MAG: variants seen among roughly 807,000 people sequenced by gnomAD.
MAG encodes the protein myelin associated glycoprotein.
MAG carries 30 observed loss-of-function variants against 60.7 expected under a neutral mutation model. The ratio of observed to expected loss-of-function variants is 0.49; its 90% CI spans 0.37 to 0.67. The LOEUF is 0.67. Ranked by LOEUF, MAG falls within the 30% of genes least tolerant of loss-of-function variation. MAG has a pLI of 0.00. For missense variants in MAG, 795 were observed against 851.7 expected (o/e 0.93, Z 0.83); for synonymous variants, 384 against 376.8 (o/e 1.02, Z -0.22).
Position 35,299,739 on chromosome 19 carries a change from C to T in MAG, c.601C>T (p.Leu201=). The T allele has an allele frequency of 1.9e-6, 3 of 1,562,214 alleles. No individual in the cohort carries two copies. The highest frequency in any genetic ancestry group is 1.7e-6 in the Non-Finnish European group (2 of 1,155,682). Residue 201 remains leucine, a synonymous_variant, in exon 5 of 11, where the codon CTG becomes TTG. Coordinates refer to ENST00000392213, the MANE Select transcript of MAG (RefSeq NM_002361.4). Reference sequence around the variant, plus strand: ...CGAGGGCACCTGGGTGCAGGTGTCACTGCTGCACTTCGTGCCCACGAGGGA... The same window carrying T: ...CGAGGGCACCTGGGTGCAGGTGTCATTGCTGCACTTCGTGCCCACGAGGGA... The part of the protein sequence containing the change: ...EDEGTWVQVS[L]LHFVPTREAN...
Position 35,313,396 on chromosome 19 carries a change from A to G in MAG, c.1823A>G (p.Lys608Arg). ...SHSDLGKRPT[K>R]DSYTLTEELA... ...TCGGACCTGGGGAAACGGCCCACCA[A>G]GGACAGCTACACGCTGACGGAGGAG... The change falls in exon 11 of 11, where the codon AAG becomes AGG. Residue 608 changes from lysine (K) to arginine (R), a missense_variant. Physicochemically the swap from Lys to Arg is conservative, Grantham distance 26. Coordinates refer to ENST00000392213, the MANE Select transcript of MAG (RefSeq NM_002361.4). 1 of 1,614,058 alleles carries G rather than the reference A, an allele frequency of 6.2e-7. No individual in the cohort carries two copies. The highest frequency in any genetic ancestry group is 8.5e-7 in the Non-Finnish European group (1 of 1,179,954).
At chr19:35,300,501 G>A in intron 6 of MAG, 97 bp downstream of exon 6, 2 of 1,442,792 alleles carry the variant, frequency 1.4e-6, no homozygotes, top group Admixed American at 2.6e-5. Flanking sequence ...GGGTCCCGAG[G>A]GGACCGGCCA....
rs905944825 is a variant in MAG, at chr19:35,300,328, C to T, written c.894C>T (p.Ala298=). ...TGGAGCTGGAGGAGGTGACCCCCGC[C>T]GAAGACGGCGTCTATGCCTGCCTGG... ...LLLELEEVTP[A]EDGVYACLAE... The change falls in exon 6 of 11, where the codon GCC becomes GCT. Residue 298 remains alanine, a synonymous_variant. Coordinates refer to ENST00000392213, the MANE Select transcript of MAG (RefSeq NM_002361.4). 3 of 1,598,910 alleles carry T rather than the reference C, an allele frequency of 1.9e-6. No homozygotes were observed. The highest frequency in any genetic ancestry group is 2.2e-5 in the South Asian group (2 of 91,018).
chr19:35,311,107 G>C (rs1223739184), intron 9 of MAG, among the ~76,000 whole-genome samples: 1 of 152,178 alleles, frequency 6.6e-6, no homozygotes, highest in Admixed American at 6.5e-5. Flanking sequence ...CAAGGAGGAA[G>C]GATTGCTTGA....
In MAG at chr19:35,309,958, A is replaced by C. The variant is rs767104726; in HGVS notation, c.1316A>C (p.Glu439Ala). The stretch of plus-strand genomic sequence containing the variant: ...CTGTGCGTGGTGAAGTCCAACCCGG[A>C]GCCGTCCGTGGCCTTTGAGCTGCCA... Reference protein sequence around the residue: ...QCLCVVKSNPEPSVAFELPSR... With the variant: ...QCLCVVKSNPAPSVAFELPSR... The change falls in exon 8 of 11, where the codon GAG becomes GCG. Residue 439 changes from glutamate to alanine, a missense_variant. Physicochemically the swap from Glu to Ala is moderately radical, Grantham distance 107. Coordinates refer to ENST00000392213, the MANE Select transcript of MAG (RefSeq NM_002361.4). 1 of 1,614,006 alleles carries C rather than the reference A, an allele frequency of 6.2e-7. No homozygotes were observed. The highest frequency in any genetic ancestry group is 1.3e-5 in the African/African-American group (1 of 75,050).
Position 35,302,837 on chromosome 19 carries a change from G to A in MAG, c.1231+129G>A, listed in dbSNP as rs2066458799. 2.6e-6 allele frequency: 3 copies of A among 1,151,446 alleles called. No individual in the cohort carries two copies. In the East Asian group the frequency reaches 7.4e-5, roughly 28 times the overall value. 71.3% of individuals were successfully genotyped at this position (1,151,446 alleles called of 1,614,324 possible). ...TCCTCCGCAGAGACAAGGAAGGGAG[G>A]GCAGGGAAGCTGAATTCACAGCAGG... On this transcript the variant is annotated intron_variant, in intron 7 of 10. Coordinates refer to ENST00000392213, the MANE Select transcript of MAG (RefSeq NM_002361.4).
At chr19:35,292,534 G>A (rs947419731) in intron 1 of MAG, among the ~76,000 whole-genome samples, 2 of 152,098 alleles carry the variant, frequency 1.3e-5, no homozygotes, top group Non-Finnish European at 2.9e-5. Flanking sequence ...GCATCTGGCC[G>A]AAGAATGGAA....
chr19:35,305,880 G>A (rs959747259), intron 7 of MAG, among the ~76,000 whole-genome samples: 16 of 152,042 alleles, frequency 1.1e-4, no homozygotes, highest in Admixed American at 1.1e-3. Flanking sequence ...GCTTGAGCCC[G>A]GGGGGTGGAG....
At chr19:35,300,517 A>C in intron 6 of MAG, 113 bp downstream of exon 6, 1 of 1,346,936 alleles carries the variant, frequency 7.4e-7, no homozygotes. Flanking sequence ...GGCCATAAAC[A>C]GTCGAGGCCA....
At chr19:35,294,881 G>A (rs2066384215) in intron 2 of MAG, among the ~76,000 whole-genome samples, 1 of 152,184 alleles carries the variant, frequency 6.6e-6, no homozygotes, top group Admixed American at 6.5e-5. Context: ...TGAAGCTGCA[G>A]TTGAGTGAGC....
intron 7 of MAG, among the ~76,000 whole-genome samples, chr19:35,308,396 G>A (rs192215390): frequency 1.3e-5 from 2 of 152,336 alleles, no homozygotes; most frequent in African/African-American, 4.8e-5. Flanking sequence ...AGGAGAGAGT[G>A]TGTGGTCAGG....
rs2046910602 is a variant in MAG, at chr19:35,310,089, C to T, written c.1447C>T (p.Pro483Ser). The T allele has an allele frequency of 6.2e-7, 1 of 1,612,934 alleles. No homozygotes were observed. Among genetic ancestry groups the T allele is most frequent in the African/African-American group, 1.3e-5 (1 of 75,042 alleles). Residue 483 changes from proline to serine, a missense_variant, in exon 8 of 11, where the codon CCG (proline) becomes TCG (serine). Transcript: ENST00000392213. ...ILTLRGQAQA[P>S]PRVICTARNL... ...CACGCTGCGGGGGCAGGCCCAGGCC[C>T]CGCCCCGCGTCATCTGCACCGCGAG...
rs2066392010 is a variant in MAG at position 35,295,728 on chromosome 19, G to T, written c.162G>T (p.Val54=). ...TCCCGGATGAGCTGCGGCCCGCTGT[G>T]GTGCATGGTGTCTGGTACTTCAATA... ...FDFPDELRPA[V]VHGVWYFNSP... is the part of the protein sequence containing the mutation. The change falls in exon 4 of 11, where the codon GTG becomes GTT. Residue 54 remains valine (V), a synonymous_variant. Transcript: ENST00000392213. This position sits in a 1 kb window ranked among gnomAD's most constrained non-coding sequence, Gnocchi z 5.8. 1 of 1,613,754 alleles carries T rather than the reference G, an allele frequency of 6.2e-7. No homozygotes were observed. Among genetic ancestry groups the T allele is most frequent in the Non-Finnish European group, 8.5e-7 (1 of 1,180,032 alleles).
intron 7 of MAG, among the ~76,000 whole-genome samples, chr19:35,308,107 G>T (rs1030557615): frequency 6.6e-6 from 1 of 152,192 alleles, no homozygotes; most frequent in East Asian, 1.9e-4. Context: ...TTATGTAAGT[G>T]TGTGATGCAG....
chr19:35,305,510 T>G (rs1393422754), intron 7 of MAG, among the ~76,000 whole-genome samples: 1 of 152,198 alleles, frequency 6.6e-6, no homozygotes. Context: ...GAAGTTTGAC[T>G]GGCATCCAGT....
intron 6 of MAG, 139 bp downstream of exon 6, chr19:35,300,543 T>A: frequency 9.1e-7 from 1 of 1,102,538 alleles, no homozygotes; most frequent in Non-Finnish European, 1.2e-6. Flanking sequence ...GACAGGGGGG[T>A]TGCAAGTCAA....
In MAG at chr19:35,292,205, G is replaced by A. The variant is rs1218272695; in HGVS notation, c.-80+1G>A. 2.2e-6 allele frequency: 1 copy of A among 455,832 alleles called. No individual in the cohort carries two copies. Among genetic ancestry groups the A allele is most frequent in the Non-Finnish European group, 4.4e-6 (1 of 226,982 alleles). 28.2% of individuals were successfully genotyped at this position (455,832 alleles called of 1,614,324 possible). The stretch of plus-strand genomic sequence containing the variant: ...GAGGTGCAGAAGCAACTGAGTCCAA[G>A]TGAGTATGGTGGCAGGGAGGCCAGG... On this transcript the variant is annotated splice_donor_variant, in intron 1 of 10. Coordinates refer to ENST00000392213, the MANE Select transcript of MAG (RefSeq NM_002361.4). LOFTEE classifies it low-confidence loss of function (5UTR_SPLICE).
intron 7 of MAG, among the ~76,000 whole-genome samples, chr19:35,307,321 G>A (rs1327047893): frequency 1.3e-5 from 2 of 152,146 alleles, no homozygotes; most frequent in Admixed American, 6.6e-5. Flanking sequence ...CACCGTTACC[G>A]GCACATTCTT....
At chr19:35,292,664 T>TGTGTGC (rs751645316) in intron 1 of MAG, among the ~76,000 whole-genome samples, 7 of 150,706 alleles carry the variant, frequency 4.6e-5, no homozygotes, top group African/African-American at 1.7e-4. Context: ...TGTGTGTGTG[T>TGTGTGC]GCGTGTGCGT....
Sources: gnomAD v4.1 joint callset for allele counts (sites outside exome capture counted in the v4.1 genomes callset) on GRCh38, gnomAD v4.1.1 for gene constraint, Gnocchi (gnomAD v3.1) non-coding constraint, MANE v1.5 for transcripts, NCBI Gene and HGNC (gene_info 2026-07-23, HGNC 2026-07-21) for gene names.